GABRG3: variants seen among roughly 807,000 people sequenced by gnomAD.
The protein encoded by GABRG3 is gamma-aminobutyric acid type A receptor subunit gamma3, also known as gamma-aminobutyric acid receptor subunit gamma-3.
In GABRG3, 25 loss-of-function variants were observed where a neutral mutation model predicts 48.8. That is an observed-to-expected ratio of 0.51 (90% CI 0.37 to 0.72). GABRG3 has a LOEUF of 0.72. Among genes scored for constraint, GABRG3 ranks in the 30% least tolerant of loss-of-function variants. The pLI is 0.00. For missense variants in GABRG3, 394 were observed against 577.9 expected (o/e 0.68, Z 3.26); for synonymous variants, 227 against 217.6 (o/e 1.04, Z -0.38).
intron 3 of GABRG3, among the ~76,000 whole-genome samples, chr15:27,031,706 C>T (rs1425590055): frequency 1.3e-5 from 2 of 152,158 alleles, no homozygotes; most frequent in Admixed American, 1.3e-4. Context: ...TGCTCCATTC[C>T]ACTTGTGGCT....
chr15:27,047,925 A>T (rs1351856356), intron 3 of GABRG3, among the ~76,000 whole-genome samples: 1 of 152,242 alleles, frequency 6.6e-6, no homozygotes, highest in African/African-American at 2.4e-5. Context: ...CCCAGATAAA[A>T]ATTTAAATTG....
At chr15:27,350,702 G>A (rs1894534829) in intron 5 of GABRG3, among the ~76,000 whole-genome samples, 1 of 152,156 alleles carries the variant, frequency 6.6e-6, no homozygotes, top group Admixed American at 6.5e-5. Flanking sequence ...AGAGAGCCTG[G>A]TGAGGAAGTC....
intron 5 of GABRG3, among the ~76,000 whole-genome samples, chr15:27,462,536 A>G (rs1889481537): frequency 6.6e-6 from 1 of 152,234 alleles, no homozygotes; most frequent in Non-Finnish European, 1.5e-5. Flanking sequence ...CTAGTCTTAT[A>G]TATAGTATTA....
intron 6 of GABRG3, among the ~76,000 whole-genome samples, chr15:27,504,627 C>T (rs934553599): frequency 1.3e-5 from 2 of 152,014 alleles, no homozygotes; most frequent in Non-Finnish European, 2.9e-5. Flanking sequence ...AACTTTATTT[C>T]CCTATGTAGT....
chr15:27,082,792 G>A (rs144874806), intron 3 of GABRG3, among the ~76,000 whole-genome samples: 171 of 152,316 alleles, frequency 1.1e-3, no homozygotes, highest in Middle Eastern at 6.8e-3. Flanking sequence ...ACCCTGGCTT[G>A]GTGAATGAAG....
intron 3 of GABRG3, among the ~76,000 whole-genome samples, chr15:27,147,141 T>G (rs997547708): frequency 1.3e-5 from 2 of 151,992 alleles, no homozygotes; most frequent in African/African-American, 4.8e-5. Context: ...GTTGCTATAT[T>G]AATCTTGGAC....
intron 5 of GABRG3, among the ~76,000 whole-genome samples, chr15:27,434,898 T>C (rs1379006075): frequency 2.6e-5 from 4 of 152,216 alleles, no homozygotes. Flanking sequence ...GTTAGCCATG[T>C]GTCCATCTAT....
intron 5 of GABRG3, 51 bp downstream of exon 5, chr15:27,328,939 G>T: frequency 1.8e-5 from 25 of 1,373,142 alleles, no homozygotes; most frequent in Non-Finnish European, 2.6e-5. Flanking sequence ...GGGATGCCTA[G>T]CCTGGTACTG....
At chr15:27,098,339 C>A (rs1897300085) in intron 3 of GABRG3, among the ~76,000 whole-genome samples, 1 of 152,096 alleles carries the variant, frequency 6.6e-6, no homozygotes, top group African/African-American at 2.4e-5. Context: ...GAGGCTGATA[C>A]AGGAGAATTG....
chr15:27,168,494 C>G (rs373151010), intron 3 of GABRG3, among the ~76,000 whole-genome samples: 8 of 152,226 alleles, frequency 5.3e-5, no homozygotes, highest in Middle Eastern at 3.4e-3. Context: ...TTGTGACACC[C>G]CCCCACCCAA....
chr15:27,175,926 A>G (rs1887729886), intron 3 of GABRG3, among the ~76,000 whole-genome samples: 1 of 152,048 alleles, frequency 6.6e-6, no homozygotes, highest in Admixed American at 6.5e-5. Context: ...CCTGGGGCAA[A>G]TTATGCACCA....
Position 27,350,060 on chromosome 15 carries a change from C to T in GABRG3, c.574+21172C>T, listed in dbSNP as rs145645979. 66 of 455,664 alleles carry T rather than the reference C, an allele frequency of 1.4e-4. 2 individuals are homozygous for T. The East Asian group carries it at 4.5e-3, about 31-fold the overall frequency. The allele number at this position is 455,664 out of a possible 1,614,324, so 28.2% of individuals were successfully genotyped here. A position where few individuals can be genotyped will look rare whatever the true frequency, so the allele number is the denominator to read the frequency against. ...GGGTTGCAGTTTTCCCCTTTATACA[C>T]ACAAAATCTCTAATTTAGATAAATT... On this transcript the variant is annotated intron_variant, in intron 5 of 9. Transcript: ENST00000615808.
intron 5 of GABRG3, among the ~76,000 whole-genome samples, chr15:27,351,712 TTG>T (rs377085243): frequency 0.017 from 2,572 of 148,086 alleles, 85 homozygotes; most frequent in African/African-American, 0.06. Flanking sequence ...TATGGGGTAT[TTG>T]TGTGTGTGTG....
chr15:27,130,984 G>C (rs992784278), intron 3 of GABRG3, among the ~76,000 whole-genome samples: 2 of 151,980 alleles, frequency 1.3e-5, no homozygotes, highest in Admixed American at 6.6e-5. Flanking sequence ...TCTGTGAAAA[G>C]AGATAATTTT....
At chr15:27,400,589 T>A (rs1887447141) in intron 5 of GABRG3, among the ~76,000 whole-genome samples, 1 of 152,234 alleles carries the variant, frequency 6.6e-6, no homozygotes, top group African/African-American at 2.4e-5. Flanking sequence ...ACTAGTCATG[T>A]AGGAGAGACC....
At chr15:27,064,989 TAG>T (rs1457719734) in intron 3 of GABRG3, among the ~76,000 whole-genome samples, 3 of 152,180 alleles carry the variant, frequency 2.0e-5, no homozygotes. Flanking sequence ...GTTCCTCCAA[TAG>T]AGTCACCAGT....
chr15:27,176,364 T>C (rs73373481), intron 3 of GABRG3, among the ~76,000 whole-genome samples: 12,709 of 152,226 alleles, frequency 0.083, 894 homozygotes, highest in African/African-American at 0.18. Context: ...AGTAATAGTA[T>C]TTCTTTTCTA....
chr15:27,009,234 G>A (rs562201248), intron 2 of GABRG3, among the ~76,000 whole-genome samples: 49 of 152,270 alleles, frequency 3.2e-4, no homozygotes, highest in Admixed American at 9.2e-4. Context: ...ATAGCAAACC[G>A]TGTAGAACAA....
chr15:27,518,215 A>G (rs1316805464), intron 6 of GABRG3, among the ~76,000 whole-genome samples: 1 of 149,338 alleles, frequency 6.7e-6, no homozygotes, highest in Non-Finnish European at 1.5e-5. Context: ...AAAAAAAAAA[A>G]AGAATTAGCC....
Sources: allele counts gnomAD v4.1 joint callset (sites outside exome capture counted in the v4.1 genomes callset), GRCh38; gene constraint gnomAD v4.1.1; transcripts MANE v1.5; gene names NCBI Gene and HGNC (gene_info 2026-07-23, HGNC 2026-07-21).